CAST: variants seen among roughly 807,000 people sequenced by gnomAD.
CAST encodes the protein MIR583 host.
CAST carries 76 observed loss-of-function variants against 119.6 expected under a neutral mutation model. The observed-to-expected ratio is 0.64, with a 90% CI of 0.53 to 0.77. The LOEUF (loss-of-function observed/expected upper bound fraction) is 0.77. CAST is among the 30% of genes least tolerant of loss of function. The pLI is 0.00. For missense variants in CAST, 953 were observed against 946.5 expected, an observed-to-expected ratio of 1.01 and a Z score of -0.09; for synonymous variants, 319 against 331.6, an observed-to-expected ratio of 0.96 and a Z score of 0.41.
chr5:96,463,333 G>T, the CAST span, among the ~76,000 whole-genome samples: 1 of 152,086 alleles, frequency 6.6e-6, no homozygotes, highest in Non-Finnish European at 1.5e-5. Context: ...GTTCTTTTCA[G>T]TGAAATCAAA....
rs748578462 is a variant in CAST at position 96,747,341 on chromosome 5, A to C, written c.1285-4A>C. On this transcript the variant is annotated splice_polypyrimidine_tract_variant and splice_region_variant and intron_variant, in intron 17 of 31. Transcript: ENST00000675179. ...TTTCCAATGAATTTTAATTTCATTT[A>C]CAGGATAAAGATGGAAAACCACTAT... 6.3e-7 allele frequency: 1 copy of C among 1,585,098 alleles called. No individual in the cohort carries two copies. Among genetic ancestry groups the C allele is most frequent in the Admixed American group, 1.7e-5 (1 of 59,132 alleles).
chr5:96,198,311 A>C, the CAST span, among the ~76,000 whole-genome samples: 1 of 152,166 alleles, frequency 6.6e-6, no homozygotes, highest in Non-Finnish European at 1.5e-5. Flanking sequence ...ATAAGTGAAT[A>C]GTTGCAAAAA....
chr5:96,416,308 A>G, the CAST span, among the ~76,000 whole-genome samples: 1 of 152,242 alleles, frequency 6.6e-6, no homozygotes, highest in South Asian at 2.1e-4. Context: ...ATTAGAGACA[A>G]AGTATGTGAT....
upstream of CAST, among the ~76,000 whole-genome samples, chr5:96,527,284 G>A (rs73775314): frequency 0.011 from 1,688 of 152,276 alleles, 27 homozygotes; most frequent in African/African-American, 0.039. Flanking sequence ...AACTTGTGAG[G>A]GAGGCCACCT....
chr5:96,738,026 AGAATACCTAG>A, intron 11 of CAST, 79 bp downstream of exon 11: 1 of 825,020 alleles, frequency 1.2e-6, no homozygotes, highest in South Asian at 1.5e-5. Flanking sequence ...GAAGTACAAA[AGAATACCTAG>A]TGAGGCCAGG....
At chr5:96,254,116 A>ATT in the CAST span, among the ~76,000 whole-genome samples, 4 of 152,196 alleles carry the variant, frequency 2.6e-5, no homozygotes, top group South Asian at 8.3e-4. Flanking sequence ...ATGTTAATGG[A>ATT]TTTTAAGTAT....
At chr5:96,058,094 A>G in the CAST span, among the ~76,000 whole-genome samples, 1 of 151,948 alleles carries the variant, frequency 6.6e-6, no homozygotes, top group South Asian at 2.1e-4. Flanking sequence ...TGTAATGTGT[A>G]TTTGTAGTTG....
chr5:96,662,180 G>T (rs960033576), upstream of CAST: 15 of 428,588 alleles, frequency 3.5e-5, no homozygotes, highest in African/African-American at 2.9e-4. Flanking sequence ...GGACCGGGGC[G>T]GAGGGTGTTA....
At chr5:96,208,825 T>C in the CAST span, among the ~76,000 whole-genome samples, 1 of 152,058 alleles carries the variant, frequency 6.6e-6, no homozygotes, top group Non-Finnish European at 1.5e-5. Flanking sequence ...GTTCTGTAGA[T>C]ATCTGTTAGG....
chr5:96,537,501 G>T (rs1299869748), intron 1 of CAST, among the ~76,000 whole-genome samples: 2 of 152,138 alleles, frequency 1.3e-5, no homozygotes, highest in Non-Finnish European at 1.5e-5. Context: ...GCCTTGAGAT[G>T]AGAACTTTTT....
chr5:96,022,848 T>A, the CAST span, among the ~76,000 whole-genome samples: 2 of 152,144 alleles, frequency 1.3e-5, no homozygotes, highest in Non-Finnish European at 2.9e-5. Context: ...CCAGGAAACC[T>A]CTGTTTTCTG....
chr5:96,148,798 G>C, the CAST span, among the ~76,000 whole-genome samples: 1 of 152,314 alleles, frequency 6.6e-6, no homozygotes, highest in African/African-American at 2.4e-5. Flanking sequence ...AACTATACAC[G>C]GAAGACTGTA....
chr5:96,256,494 A>AT, the CAST span, among the ~76,000 whole-genome samples: 1 of 150,930 alleles, frequency 6.6e-6, no homozygotes, highest in Non-Finnish European at 1.5e-5. Flanking sequence ...TTTACACAAA[A>AT]TTAGATGGTA....
chr5:96,180,051 C>T, the CAST span, among the ~76,000 whole-genome samples: 54 of 151,790 alleles, frequency 3.6e-4, 1 homozygote, highest in South Asian at 5.6e-3. Context: ...ACTGCTAGAG[C>T]GTAAAAGGTG....
chr5:96,564,880 G>T lies in CAST; in HGVS notation c.60+35000G>T, dbSNP rs146633962. On this transcript the variant is annotated intron_variant, in intron 1 of 11. Coordinates refer to the CAST transcript ENST00000505143. ...GCTGTGATTGTGCCACTGCACTCTA[G>T]CCTGGATGACTGAGTGAGACCCTGT... 4.9e-3 allele frequency among the ~76,000 whole-genome samples: 745 copies of T among 152,308 alleles called. 1 individual carries two copies. The highest frequency in any genetic ancestry group is 6.6e-3 in the Non-Finnish European group (448 of 68,024).
the CAST span, among the ~76,000 whole-genome samples, chr5:96,183,477 C>T: frequency 6.6e-6 from 1 of 151,800 alleles, no homozygotes; most frequent in South Asian, 2.1e-4. Context: ...AAAAGAGATC[C>T]CTTAAAAGCT....
the CAST span, among the ~76,000 whole-genome samples, chr5:96,454,078 C>T: frequency 2.8e-4 from 42 of 149,188 alleles, no homozygotes; most frequent in African/African-American, 9.9e-4. Context: ...TTGCCTAATT[C>T]TCCAAATATA....
chr5:96,470,207 A>ACGCACGCACACG, the CAST span, among the ~76,000 whole-genome samples: 3 of 151,200 alleles, frequency 2.0e-5, no homozygotes, highest in South Asian at 2.1e-4. Context: ...ACACACACAC[A>ACGCACGCACACG]CACGCACAGA....
the CAST span, among the ~76,000 whole-genome samples, chr5:96,074,998 A>T: frequency 6.6e-6 from 1 of 152,196 alleles, no homozygotes; most frequent in Admixed American, 6.5e-5. Context: ...AGCTGGCAAA[A>T]TGAAAGCATA....
Sources: gnomAD v4.1 joint callset for allele counts (sites outside exome capture counted in the v4.1 genomes callset) on GRCh38, gnomAD v4.1.1 for gene constraint, MANE v1.5 for transcripts, NCBI Gene and HGNC (gene_info 2026-07-23, HGNC 2026-07-21) for gene names.